The following RELL1 variants were observed in gnomAD, a reference collection of about 807,000 sequenced individuals.
RELL1 encodes RELT-like protein 1.
A neutral mutation model predicts 23.0 loss-of-function variants in RELL1; 10 were observed. The observed-to-expected ratio is 0.43, with a 90% CI of 0.27 to 0.74. The LOEUF (loss-of-function observed/expected upper bound fraction) is 0.74, where lower values mean the gene tolerates loss of function less well. RELL1 is among the 30% of genes least tolerant of loss of function. RELL1 has a pLI of 0.19. For missense variants in RELL1, 315 were observed against 364.4 expected (o/e 0.86, Z 1.10); for synonymous variants, 146 against 146.8 (o/e 0.99, Z 0.04).
At chr4:37,670,282 G>A (rs911728298) in intron 1 of RELL1, among the ~76,000 whole-genome samples, 12 of 151,490 alleles carry the variant, frequency 7.9e-5, no homozygotes, top group African/African-American at 2.2e-4. Context: ...ATATGAAATT[G>A]TCACTGTAGT....
At position 37,591,022 on chromosome 4, in the gene RELL1, G is replaced by A. The variant is rs752262990; in HGVS notation, c.*199C>T. On this transcript the variant is annotated 3_prime_UTR_variant, in exon 7 of 7. Transcript: ENST00000314117. The stretch of plus-strand genomic sequence containing the variant: ...TTAGGGGAGGGGATTTGCACAGGGA[G>A]GTAAGCTGGTGTCATGCTGAGCATG... The A allele has an allele frequency of 1.2e-5, 19 of 1,573,728 alleles. No homozygotes were observed. In the African/African-American group the frequency reaches 2.2e-4, roughly 18 times the overall value.
At chr4:37,640,875 T>G (rs1720508637) in intron 3 of RELL1, among the ~76,000 whole-genome samples, 1 of 152,110 alleles carries the variant, frequency 6.6e-6, no homozygotes. Flanking sequence ...TTTACCATAC[T>G]TCAAAACTAT....
At chr4:37,666,201 T>C (rs1721524119) in intron 1 of RELL1, among the ~76,000 whole-genome samples, 1 of 152,206 alleles carries the variant, frequency 6.6e-6, no homozygotes, top group Admixed American at 6.5e-5. Flanking sequence ...ATCTTAGAAA[T>C]GGAGATGATC....
rs557083173 is a variant in RELL1 at position 37,684,569 on chromosome 4, C to G, written c.88+1631G>C. 2.2e-4 allele frequency among the ~76,000 whole-genome samples: 34 copies of G among 152,310 alleles called. No individual in the cohort carries two copies. In the South Asian group the frequency reaches 4.1e-3, roughly 19 times the overall value. ...TCCCCAGATTCTGTTGCAACTGACT[C>G]TAACCCTCTAATGAATGTCTCCAAC... On this transcript the variant is annotated intron_variant, in intron 1 of 6. Coordinates refer to ENST00000454158, the MANE Select transcript of RELL1 (RefSeq NM_001085400.2).
At chr4:37,598,316 T>C (rs1255627057) in intron 6 of RELL1, among the ~76,000 whole-genome samples, 1 of 43,986 alleles carries the variant, frequency 2.3e-5, no homozygotes, top group African/African-American at 8.4e-5. Context: ...AGAGAAAAAA[T>C]CTGCAAAGAC....
At chr4:37,643,043 G>A (rs1720582329) in intron 3 of RELL1, among the ~76,000 whole-genome samples, 1 of 152,148 alleles carries the variant, frequency 6.6e-6, no homozygotes, top group East Asian at 1.9e-4. Flanking sequence ...CTAGGATTGT[G>A]GATCCCTCCT....
chr4:37,603,133 A>AG (rs1268289602), intron 6 of RELL1, among the ~76,000 whole-genome samples: 1 of 152,220 alleles, frequency 6.6e-6, no homozygotes, highest in Admixed American at 6.5e-5. Flanking sequence ...CAGGGCTTGA[A>AG]GGAAGATACA....
intron 6 of RELL1, among the ~76,000 whole-genome samples, chr4:37,598,064 T>C (rs1021128023): frequency 8.1e-6 from 1 of 123,224 alleles, no homozygotes; most frequent in Non-Finnish European, 1.6e-5. Flanking sequence ...TGATATGTAA[T>C]ATATATATAT....
chr4:37,669,065 GCCCCCCGCCTGGCCAGCCGCCCC>G, intron 1 of RELL1, among the ~76,000 whole-genome samples: 1 of 124,858 alleles, frequency 8.0e-6, no homozygotes, highest in Non-Finnish European at 1.6e-5. Context: ...GGGGGGGTCA[GCCCCCCGCCTGGCCAGCCGCCCC>G]GTCTGGGAGG....
At chr4:37,597,172 T>C (rs1352559202) in intron 6 of RELL1, among the ~76,000 whole-genome samples, 1 of 152,202 alleles carries the variant, frequency 6.6e-6, no homozygotes, top group Non-Finnish European at 1.5e-5. Context: ...TCACCTGTGC[T>C]GCCCTCTGAG....
downstream of RELL1, among the ~76,000 whole-genome samples, chr4:37,589,464 A>G (rs1263986766): frequency 2.0e-5 from 3 of 152,174 alleles, no homozygotes; most frequent in Admixed American, 1.3e-4. Context: ...TTATCATTTT[A>G]GTGACTGCAT....
intron 3 of RELL1, among the ~76,000 whole-genome samples, chr4:37,645,931 G>T (rs1651311502): frequency 6.6e-6 from 1 of 152,234 alleles, no homozygotes; most frequent in Non-Finnish European, 1.5e-5. Context: ...TGCTCTTGTG[G>T]AGTAGTGAGG....
intron 6 of RELL1, among the ~76,000 whole-genome samples, chr4:37,604,828 C>CACACACACACAG (rs1719122945): frequency 1.4e-5 from 1 of 73,270 alleles, no homozygotes; most frequent in African/African-American, 5.6e-5. Context: ...CACAGACACA[C>CACACACACACAG]ACATACACAC....
At chr4:37,666,765 C>A (rs1448585073) in intron 1 of RELL1, among the ~76,000 whole-genome samples, 7 of 152,200 alleles carry the variant, frequency 4.6e-5, no homozygotes, top group Admixed American at 4.6e-4. Context: ...GCACCCACAT[C>A]CCCACATGCA....
chr4:37,649,986 A>G (rs1383113544), intron 1 of RELL1, among the ~76,000 whole-genome samples: 1 of 152,230 alleles, frequency 6.6e-6, no homozygotes, highest in Non-Finnish European at 1.5e-5. Context: ...GCTGTGTGAC[A>G]ATGGACAAGA....
chr4:37,597,742 T>A (rs1201377082), intron 6 of RELL1, among the ~76,000 whole-genome samples: 1 of 152,148 alleles, frequency 6.6e-6, no homozygotes, highest in Non-Finnish European at 1.5e-5. Flanking sequence ...CAAGGACTGT[T>A]GTGGTTTTTA....
intron 1 of RELL1, among the ~76,000 whole-genome samples, chr4:37,655,866 G>C (rs971765315): frequency 1.3e-5 from 2 of 152,236 alleles, no homozygotes; most frequent in Admixed American, 6.5e-5. Flanking sequence ...GGTCAGCTGG[G>C]TCAGATGCTG....
chr4:37,613,096 T>C lies in RELL1; in HGVS notation c.*250A>G, dbSNP rs1381610724. 3 of 152,086 alleles carry C rather than the reference T, an allele frequency of 2.0e-5. No individual in the cohort carries two copies. The East Asian group carries it at 5.8e-4, about 29-fold the overall frequency. The allele number at this position is 152,086 out of a possible 1,614,324, so 9.4% of individuals were successfully genotyped here. A position where few individuals can be genotyped will look rare whatever the true frequency, so the allele number is the denominator to read the frequency against. ...GGGAAGAGTAGAGGCTGGGAGTGGT[T>C]AAGAAGATAAAAACAGCTCTTTCCT... On this transcript the variant is annotated 3_prime_UTR_variant, in exon 7 of 7. Transcript: ENST00000454158.
At chr4:37,623,776 G>T (rs1391740753) in intron 6 of RELL1, among the ~76,000 whole-genome samples, 1 of 152,078 alleles carries the variant, frequency 6.6e-6, no homozygotes, top group Non-Finnish European at 1.5e-5. Context: ...CAAGCCAGGT[G>T]GCCTAATCCA....
Sources: allele counts gnomAD v4.1 joint callset (sites outside exome capture counted in the v4.1 genomes callset), GRCh38; gene constraint gnomAD v4.1.1; transcripts MANE v1.5; gene names NCBI Gene and HGNC (gene_info 2026-07-23, HGNC 2026-07-21).